The following EFCAB13 variants were observed in gnomAD, a reference collection of about 807,000 sequenced individuals.
EFCAB13 encodes EF-hand calcium binding domain 13.
A neutral mutation model predicts 110.2 loss-of-function variants in EFCAB13; 91 were observed. That is an observed-to-expected ratio of 0.83 (90% CI 0.70 to 0.98). The LOEUF is 0.98. Ranked by LOEUF, EFCAB13 falls within the 50% of genes least tolerant of loss-of-function variation. The probability of loss-of-function intolerance (pLI) is 0.00; values close to 1 mark genes in which losing one functional copy is unlikely to be tolerated. For missense variants in EFCAB13, 968 were observed against 1,119.4 expected (o/e 0.86, Z 1.93); for synonymous variants, 323 against 369.9 (o/e 0.87, Z 1.45).
intron 20 of EFCAB13, among the ~76,000 whole-genome samples, chr17:47,406,356 G>A (rs1485026500): frequency 6.6e-6 from 1 of 152,074 alleles, no homozygotes; most frequent in East Asian, 1.9e-4. Context: ...TGATCTGCCC[G>A]CCTCGGCCTC....
intron 24 of EFCAB13, among the ~76,000 whole-genome samples, chr17:47,434,887 C>G (rs1905184602): frequency 6.6e-6 from 1 of 152,038 alleles, no homozygotes; most frequent in South Asian, 2.1e-4. Context: ...ACAAAATCAA[C>G]TCAAGATGGA....
At chr17:47,363,097 T>C (rs942941335) in intron 10 of EFCAB13, among the ~76,000 whole-genome samples, 2 of 152,138 alleles carry the variant, frequency 1.3e-5, no homozygotes, top group African/African-American at 2.4e-5. Context: ...TTAGAGACAG[T>C]GTCTCACTCT....
At chr17:47,413,642 T>C (rs72829629) in intron 22 of EFCAB13, among the ~76,000 whole-genome samples, 13,360 of 152,186 alleles carry the variant, frequency 0.088, 838 homozygotes, top group East Asian at 0.35. Context: ...TATGTTTTGA[T>C]CTCAGTTTTC....
At position 47,395,879 on chromosome 17, in the gene EFCAB13, C is replaced by T. The variant is rs2043233783; in HGVS notation, c.1847C>T (p.Thr616Met). The T allele has an allele frequency of 4.3e-6, 7 of 1,609,912 alleles. No individual in the cohort carries two copies. The highest frequency in any genetic ancestry group is 1.7e-5 in the Admixed American group (1 of 59,938). ...IETLDDLRKETMSVSDLWNTL... is the reference protein window; with the variant it reads ...IETLDDLRKEMMSVSDLWNTL... ...ACCCTCGACGATCTCAGAAAGGAGACGATGAGTGTTTCTGACCTGTGGAAT... is the reference window on the plus strand; with the variant it reads ...ACCCTCGACGATCTCAGAAAGGAGATGATGAGTGTTTCTGACCTGTGGAAT... Residue 616 changes from threonine (T) to methionine (M), a missense_variant, in exon 17 of 25, where the codon ACG (threonine) becomes ATG (methionine). Transcript: ENST00000331493.
chr17:47,378,896 C>CT (rs1015962089), intron 13 of EFCAB13, among the ~76,000 whole-genome samples: 2 of 151,994 alleles, frequency 1.3e-5, no homozygotes, highest in African/African-American at 4.8e-5. Flanking sequence ...AAATTAGTAT[C>CT]TAACTCAGTC....
chr17:47,430,108 G>A (rs1229689242), intron 24 of EFCAB13, 147 bp downstream of exon 24: 7 of 1,310,572 alleles, frequency 5.3e-6, no homozygotes, highest in Non-Finnish European at 4.9e-6. Flanking sequence ...CCCTACAGGT[G>A]TGCCAACCCT....
rs542128519 is a variant in EFCAB13 at position 47,405,616 on chromosome 17, TGACTTA to T, written c.2233+988_2233+993del. Among the ~76,000 whole-genome samples, 462 of 152,166 alleles carry T rather than the reference TGACTTA, an allele frequency of 3.0e-3. 2 individuals carry two copies. Among genetic ancestry groups the T allele is most frequent in the African/African-American group, 0.011 (447 of 41,548 alleles). On this transcript the variant is annotated intron_variant, in intron 20 of 24. Coordinates refer to ENST00000331493, the MANE Select transcript of EFCAB13 (RefSeq NM_152347.5). Reference sequence around the variant, plus strand: ...ATTTTAAATTGTATTGAGGTTAAAATGACTTAGACTATTAGGACAGCCCTATGCACT... The same window carrying T: ...ATTTTAAATTGTATTGAGGTTAAAATGACTATTAGGACAGCCCTATGCACT...
In EFCAB13 at chr17:47,402,213, G is replaced by A. The variant is rs781070326; in HGVS notation, c.2017+10G>A. 1.9e-6 allele frequency: 3 copies of A among 1,609,190 alleles called. No homozygotes were observed. The highest frequency in any genetic ancestry group is 2.7e-5 in the African/African-American group (2 of 74,794). ...GCTGCCAGGTTAGAAGGTAAGTACT[G>A]AATTATTTATAACGGTTAGATTTAC... On this transcript the variant is annotated intron_variant, in intron 18 of 24. Coordinates refer to ENST00000331493, the MANE Select transcript of EFCAB13 (RefSeq NM_152347.5).
chr17:47,414,570 C>T (rs114011701), intron 22 of EFCAB13, among the ~76,000 whole-genome samples: 1,814 of 150,116 alleles, frequency 0.012, 39 homozygotes, highest in African/African-American at 0.043. Flanking sequence ...ATTATTATGA[C>T]GATTACATGA....
At chr17:47,326,853 T>C (rs1207694192) in intron 3 of EFCAB13, among the ~76,000 whole-genome samples, 2 of 152,186 alleles carry the variant, frequency 1.3e-5, no homozygotes, top group Non-Finnish European at 2.9e-5. Flanking sequence ...GTTGGACATA[T>C]CACATTGAAA....
intron 9 of EFCAB13, among the ~76,000 whole-genome samples, chr17:47,358,132 C>A (rs1055298547): frequency 6.6e-6 from 1 of 152,036 alleles, no homozygotes. Context: ...CTTCTTTAAC[C>A]CAAGATTGCT....
chr17:47,347,037 T>A (rs1309551750), intron 8 of EFCAB13, among the ~76,000 whole-genome samples: 1 of 152,136 alleles, frequency 6.6e-6, no homozygotes, highest in Non-Finnish European at 1.5e-5. Flanking sequence ...TGTGGGAGGA[T>A]CATTTGAGAC....
intron 4 of EFCAB13, among the ~76,000 whole-genome samples, chr17:47,331,755 C>T (rs575866670): frequency 6.6e-6 from 1 of 152,130 alleles, no homozygotes; most frequent in Non-Finnish European, 1.5e-5. Flanking sequence ...CATCCCCTGG[C>T]AAACACTGAT....
chr17:47,430,375 T>C (rs967923048), intron 24 of EFCAB13: 14 of 198,034 alleles, frequency 7.1e-5, no homozygotes, highest in Non-Finnish European at 1.2e-4. Context: ...TTTATAAATA[T>C]AAAAAATAAT....
chr17:47,362,707 C>A (rs546529676), intron 10 of EFCAB13, among the ~76,000 whole-genome samples: 1 of 152,310 alleles, frequency 6.6e-6, no homozygotes, highest in South Asian at 2.1e-4. Context: ...ATAGCAGTAG[C>A]AAATTAGTGA....
At position 47,389,578 on chromosome 17, in the gene EFCAB13, CTT is replaced by C. The variant is rs551358125; in HGVS notation, c.1583-1842_1583-1841del. On this transcript the variant is annotated intron_variant, in intron 14 of 24. Transcript: ENST00000331493. ...ACAGTGACCAGGCCCCTCATTTCAT[CTT>C]TTTTTTTTTTTTTTTTACCCTATCC... 3.3e-3 allele frequency among the ~76,000 whole-genome samples: 451 copies of C among 135,026 alleles called. 4 individuals are homozygous for C. Among genetic ancestry groups the C allele is most frequent in the African/African-American group, 9.6e-3 (358 of 37,126 alleles). The allele number at this position is 135,026 out of a possible 152,430, so 88.6% of individuals were successfully genotyped here.
intron 14 of EFCAB13, among the ~76,000 whole-genome samples, chr17:47,382,070 A>G (rs1358682421): frequency 6.6e-6 from 1 of 152,152 alleles, no homozygotes; most frequent in Non-Finnish European, 1.5e-5. Flanking sequence ...GAGGTCCTTC[A>G]CATCCCTTGT....
At chr17:47,359,334 T>C (rs534211951) in intron 9 of EFCAB13, among the ~76,000 whole-genome samples, 2 of 152,090 alleles carry the variant, frequency 1.3e-5, no homozygotes, top group Admixed American at 1.3e-4. Context: ...ACCCTGTCTT[T>C]AAAAAAGAAA....
chr17:47,423,365 C>G (rs564943976), intron 23 of EFCAB13: 1 of 156,086 alleles, frequency 6.4e-6, no homozygotes, highest in South Asian at 2.1e-4. Flanking sequence ...ACTGTACTTG[C>G]AATTTTTCTG....
Sources: allele counts gnomAD v4.1 joint callset (sites outside exome capture counted in the v4.1 genomes callset), GRCh38; gene constraint gnomAD v4.1.1; transcripts MANE v1.5; gene names NCBI Gene and HGNC (gene_info 2026-07-23, HGNC 2026-07-21).